Variants in C19orf44 observed in about 807,000 individuals in gnomAD.
C19orf44 encodes the protein chromosome 19 open reading frame 44, also known as uncharacterized protein C19orf44.
C19orf44 carries 43 observed loss-of-function variants against 50.7 expected under a neutral mutation model. The ratio of observed to expected loss-of-function variants is 0.85; its 90% CI spans 0.66 to 1.09. The LOEUF (loss-of-function observed/expected upper bound fraction) is 1.09. Ranked by LOEUF, C19orf44 falls within the 50% of genes least tolerant of loss-of-function variation. C19orf44 has a pLI of 0.00. For missense variants in C19orf44, 722 were observed against 836.2 expected, an observed-to-expected ratio of 0.86 and a Z score of 1.68; for synonymous variants, 298 against 334.7, an observed-to-expected ratio of 0.89 and a Z score of 1.20.
chr19:16,520,299 C>G lies in C19orf44; in HGVS notation c.*246C>G, dbSNP rs907799484. 17 of 1,611,006 alleles carry G rather than the reference C, an allele frequency of 1.1e-5. No homozygotes were observed. The Admixed American group carries it at 2.0e-4, about 19-fold the overall frequency. On this transcript the variant is annotated 3_prime_UTR_variant, in exon 9 of 9. Transcript: ENST00000221671. This position sits in a 1 kb window ranked among gnomAD's most constrained non-coding sequence, Gnocchi z 4.0. ...AAGGGTGCCCAAGGGTCAGCAGCAG[C>G]CAGGCGTCGTGGGGAGGCCACAGGA...
chr19:16,505,765 C>T (rs769533524), intron 3 of C19orf44, among the ~76,000 whole-genome samples: 12 of 151,666 alleles, frequency 7.9e-5, no homozygotes, highest in Non-Finnish European at 1.3e-4. Context: ...TCACTGCAAC[C>T]TCCAACTCCG....
Position 16,517,466 on chromosome 19 carries a change from C to G in C19orf44, c.*40+125C>G, listed in dbSNP as rs1016875709. 18 of 681,882 alleles carry G rather than the reference C, an allele frequency of 2.6e-5. No individual in the cohort carries two copies. The African/African-American group carries it at 3.2e-4, about 12-fold the overall frequency. The allele number at this position is 681,882 out of a possible 1,614,324, so 42.2% of individuals were successfully genotyped here. On this transcript the variant is annotated intron_variant, in intron 8 of 8. Transcript: ENST00000221671. Reference sequence around the variant, plus strand: ...GGTGATGGACACACACACACACAGTCAGCATCCAGGTGTGACATTCCATGG... The same window carrying G: ...GGTGATGGACACACACACACACAGTGAGCATCCAGGTGTGACATTCCATGG...
Position 16,519,688 on chromosome 19 carries a change from C to T in C19orf44, c.*41-406C>T, listed in dbSNP as rs1265653349. On this transcript the variant is annotated intron_variant, in intron 8 of 8. Transcript: ENST00000221671. This position sits in a 1 kb window ranked among gnomAD's most constrained non-coding sequence, Gnocchi z 6.0. ...GCCTTGAGTCAGGGATGGGAGGCGC[C>T]GAATTAGAACCCAGACCAGCAGAGG... 15 of 1,613,694 alleles carry T rather than the reference C, an allele frequency of 9.3e-6. No individual in the cohort carries two copies. The highest frequency in any genetic ancestry group is 4.0e-5 in the African/African-American group (3 of 74,886).
At position 16,502,994 on chromosome 19, in the gene C19orf44, A is replaced by G. The variant is rs567728269; in HGVS notation, c.760-71A>G. ...AGAGTGAGACCCTTTCTCAAAAAAA[A>G]AAAACAAAAAACAAAAAAACAAAAA... On this transcript the variant is annotated intron_variant, in intron 2 of 8. Transcript: ENST00000221671. 4.9e-5 allele frequency: 71 copies of G among 1,462,870 alleles called. No individual in the cohort carries two copies. In the East Asian group the frequency reaches 1.5e-3, roughly 31 times the overall value. The allele number at this position is 1,462,870 out of a possible 1,614,324, so 90.6% of individuals were successfully genotyped here. A position where few individuals can be genotyped will look rare whatever the true frequency, so the allele number is the denominator to read the frequency against.
intron 7 of C19orf44, among the ~76,000 whole-genome samples, chr19:16,516,133 T>C (rs1386863004): frequency 6.6e-6 from 1 of 152,146 alleles, no homozygotes; most frequent in Non-Finnish European, 1.5e-5. Context: ...TCAGTGTTTA[T>C]TTCTAAAAAG....
At chr19:16,512,014 CAAAAAAAAAAA>C (rs1203102155) in intron 5 of C19orf44, among the ~76,000 whole-genome samples, 2 of 47,404 alleles carry the variant, frequency 4.2e-5, no homozygotes, top group Non-Finnish European at 8.0e-5. Context: ...GACTCTGTCT[CAAAAAAAAAAA>C]AAAAAAAAAA....
chr19:16,504,805 C>T (rs567002635), intron 3 of C19orf44, among the ~76,000 whole-genome samples: 43 of 148,564 alleles, frequency 2.9e-4, no homozygotes, highest in Non-Finnish European at 5.6e-4. Context: ...GGGGTTTCAC[C>T]ATGTTGGTGA....
chr19:16,515,948 C>A (rs2093470370), intron 7 of C19orf44, among the ~76,000 whole-genome samples: 1 of 152,114 alleles, frequency 6.6e-6, no homozygotes. Flanking sequence ...AGGTGCGAAC[C>A]ACCATGCCCA....
intron 8 of C19orf44, among the ~76,000 whole-genome samples, chr19:16,517,542 C>T (rs1415642908): frequency 1.3e-5 from 2 of 152,158 alleles, no homozygotes; most frequent in South Asian, 2.1e-4. Context: ...GAGCCAAATC[C>T]CAGCTCAGTG....
chr19:16,506,087 G>A (rs1321928068), intron 3 of C19orf44, among the ~76,000 whole-genome samples: 2 of 147,504 alleles, frequency 1.4e-5, no homozygotes, highest in African/African-American at 5.0e-5. Flanking sequence ...GAGATTCTCC[G>A]GCCTCAGCCT....
At chr19:16,510,564 G>A (rs1041646419) in intron 5 of C19orf44, among the ~76,000 whole-genome samples, 1 of 152,058 alleles carries the variant, frequency 6.6e-6, no homozygotes, top group African/African-American at 2.4e-5. Flanking sequence ...TTCACGGGGG[G>A]ACTCCAGCAA....
chr19:16,502,181 A>AT (rs1452669494), intron 2 of C19orf44, among the ~76,000 whole-genome samples: 1 of 148,980 alleles, frequency 6.7e-6, no homozygotes, highest in Non-Finnish European at 1.5e-5. Context: ...AAGTGCTGGG[A>AT]TTACAGGTGT....
In C19orf44 at chr19:16,506,705, TAGAATAAA is replaced by T; in HGVS notation, c.1081_1088del (p.Arg361TyrfsTer5). ...ATACTCATTTTTTAATTACAGAGTT[TAGAATAAA>T]TATTTTATCGCTTGACGGTCTGGCT... On this transcript the variant is annotated frameshift_variant, in exon 4 of 9. Transcript: ENST00000221671. LOFTEE classifies it high-confidence loss of function. 1 of 1,593,442 alleles carries T rather than the reference TAGAATAAA, an allele frequency of 6.3e-7. No individual in the cohort carries two copies. Among genetic ancestry groups the T allele is most frequent in the South Asian group, 1.2e-5 (1 of 86,692 alleles).
chr19:16,499,874 C>T (rs928613188), intron 1 of C19orf44, among the ~76,000 whole-genome samples: 4 of 151,662 alleles, frequency 2.6e-5, no homozygotes, highest in Non-Finnish European at 5.9e-5. Context: ...ACTGCAACCT[C>T]CACCTCCCGG....
Position 16,509,737 on chromosome 19 carries a change from C to G in C19orf44, c.1388C>G (p.Thr463Arg). 6.2e-7 allele frequency: 1 copy of G among 1,614,246 alleles called. No individual in the cohort carries two copies. Among genetic ancestry groups the G allele is most frequent in the Non-Finnish European group, 8.5e-7 (1 of 1,180,052 alleles). Residue 463 changes from threonine (T) to arginine (R), a missense_variant, in exon 5 of 9, where the codon ACA becomes AGA. Transcript: ENST00000221671. ...CCATCTGAAGCCCCCATGGTGAACACAGTCAGCTCAGCTTATTCGGAGGAT... is the reference window on the plus strand; with the variant it reads ...CCATCTGAAGCCCCCATGGTGAACAGAGTCAGCTCAGCTTATTCGGAGGAT... ...QPPSEAPMVNTVSSAYSEDFE... is the reference protein window; with the variant it reads ...QPPSEAPMVNRVSSAYSEDFE...
At chr19:16,510,645 A>T (rs2093454558) in intron 5 of C19orf44, among the ~76,000 whole-genome samples, 1 of 152,122 alleles carries the variant, frequency 6.6e-6, no homozygotes, top group Admixed American at 6.5e-5. Context: ...GGTGGAGGCC[A>T]GGGGTGCTAT....
At chr19:16,502,734 G>T (rs1306846368) in intron 2 of C19orf44, among the ~76,000 whole-genome samples, 1 of 151,532 alleles carries the variant, frequency 6.6e-6, no homozygotes. Context: ...GCTCACACCT[G>T]TAATCCCAGG....
Position 16,517,266 on chromosome 19 carries a change from G to A in C19orf44, c.1939G>A (p.Glu647Lys), listed in dbSNP as rs540709769. ...CCACAGACCTGCCCCACTGACCATG[G>A]AGGATGCCCTGGAGGAGGTGAACAA... ...RCHRPAPLTM[E>K]DALEEVNKEL Residue 647 changes from glutamate to lysine, a missense_variant, in exon 8 of 9, where the codon GAG becomes AAG. By Grantham distance (56) the Glu-to-Lys change is moderately conservative (BLOSUM62 1). Transcript: ENST00000221671. 42 of 1,614,172 alleles carry A rather than the reference G, an allele frequency of 2.6e-5. No homozygotes were observed. The Admixed American group carries it at 3.2e-4, about 12-fold the overall frequency.
At chr19:16,502,071 C>T (rs2093427080) in intron 2 of C19orf44, among the ~76,000 whole-genome samples, 1 of 151,394 alleles carries the variant, frequency 6.6e-6, no homozygotes, top group Non-Finnish European at 1.5e-5. Flanking sequence ...CCACCATGCC[C>T]GGCTGATTTT....
Sources: allele counts gnomAD v4.1 joint callset (sites outside exome capture counted in the v4.1 genomes callset), GRCh38; gene constraint gnomAD v4.1.1; non-coding constraint Gnocchi (gnomAD v3.1); transcripts MANE v1.5; gene names NCBI Gene and HGNC (gene_info 2026-07-23, HGNC 2026-07-21).